The following CDYL2 variants were observed in gnomAD, a reference collection of about 807,000 sequenced individuals.
The protein encoded by CDYL2 is chromodomain Y like 2.
CDYL2 carries 23 observed loss-of-function variants against 49.4 expected under a neutral mutation model. That is an observed-to-expected ratio of 0.47 (90% CI 0.34 to 0.66). CDYL2 has a LOEUF of 0.66. CDYL2 is among the 30% of genes least tolerant of loss of function. The pLI is 0.01. For missense variants in CDYL2, 678 were observed against 656.4 expected (o/e 1.03, Z -0.36); for synonymous variants, 360 against 268.8 (o/e 1.34, Z -3.32).
intron 2 of CDYL2, among the ~76,000 whole-genome samples, chr16:80,654,006 C>G (rs967050550): frequency 2.6e-5 from 4 of 152,116 alleles, no homozygotes; most frequent in African/African-American, 9.7e-5. Flanking sequence ...TGCTTGCATG[C>G]CAACGGAAGT....
chr16:80,636,074 T>C (rs1907809965), intron 2 of CDYL2, among the ~76,000 whole-genome samples: 1 of 152,108 alleles, frequency 6.6e-6, no homozygotes, highest in African/African-American at 2.4e-5. Flanking sequence ...CAAGATGGAT[T>C]AGACTTAAAA....
Position 80,599,193 on chromosome 16 carries a change from T to C in CDYL2, c.*5195A>G, listed in dbSNP as rs865886947. On this transcript the variant is annotated 3_prime_UTR_variant, in exon 7 of 7. Coordinates refer to ENST00000570137, the MANE Select transcript of CDYL2 (RefSeq NM_152342.4). ...ACCAGAGGTGAAGTTGAAAACTAGA[T>C]ATGGGTTTTTCTGACTGCCACACAC... is the stretch of plus-strand genomic sequence containing the variant. 2.0e-5 allele frequency: 3 copies of C among 152,128 alleles called. No individual in the cohort carries two copies. Among genetic ancestry groups the C allele is most frequent in the Non-Finnish European group, 4.4e-5 (3 of 68,014 alleles). 9.4% of individuals were successfully genotyped at this position (152,128 alleles called of 1,614,324 possible).
chr16:80,626,519 T>C (rs1907311094), intron 3 of CDYL2, among the ~76,000 whole-genome samples: 1 of 152,198 alleles, frequency 6.6e-6, no homozygotes, highest in Non-Finnish European at 1.5e-5. Flanking sequence ...TATGTGTATA[T>C]AATTTAGGGA....
intron 1 of CDYL2, among the ~76,000 whole-genome samples, chr16:80,768,666 T>C (rs745444765): frequency 6.6e-6 from 1 of 152,136 alleles, no homozygotes; most frequent in Non-Finnish European, 1.5e-5. Flanking sequence ...TTTCAACATA[T>C]AAATTTTGGG....
intron 2 of CDYL2, among the ~76,000 whole-genome samples, chr16:80,669,104 T>C (rs918988478): frequency 8.6e-5 from 13 of 151,894 alleles, no homozygotes; most frequent in African/African-American, 3.1e-4. Flanking sequence ...CTCCTCTTTC[T>C]TGAAACCACT....
intron 1 of CDYL2, among the ~76,000 whole-genome samples, chr16:80,741,507 T>C (rs1225340203): frequency 6.6e-6 from 1 of 152,134 alleles, no homozygotes. Flanking sequence ...ATTTGCAGCA[T>C]AGGTGGTAAA....
chr16:80,740,012 G>A (rs1905680016), intron 1 of CDYL2, among the ~76,000 whole-genome samples: 1 of 152,206 alleles, frequency 6.6e-6, no homozygotes, highest in Non-Finnish European at 1.5e-5. Flanking sequence ...ATGTGGCTGT[G>A]GAGGGTGGTG....
chr16:80,757,577 CAT>C (rs1376504381), intron 1 of CDYL2, among the ~76,000 whole-genome samples: 1 of 149,652 alleles, frequency 6.7e-6, no homozygotes, highest in Non-Finnish European at 1.5e-5. Flanking sequence ...TACACACACA[CAT>C]ATATTTTGAA....
chr16:80,786,820 T>G (rs1907451790), intron 1 of CDYL2, among the ~76,000 whole-genome samples: 1 of 150,996 alleles, frequency 6.6e-6, no homozygotes, highest in Non-Finnish European at 1.5e-5. Context: ...TATCACAAGA[T>G]CAGAAAACCA....
At chr16:80,681,068 T>A (rs1015765735) in intron 2 of CDYL2, among the ~76,000 whole-genome samples, 2 of 152,152 alleles carry the variant, frequency 1.3e-5, no homozygotes, top group Admixed American at 6.5e-5. Flanking sequence ...GGAGCCCCAA[T>A]TTAGCATTTG....
In CDYL2 at chr16:80,632,810, G is replaced by A. The variant is rs181683321; in HGVS notation, c.834+209C>T. 4.3e-4 allele frequency: 234 copies of A among 544,050 alleles called. 1 individual carries two copies. The highest frequency in any genetic ancestry group is 6.6e-5 in the Non-Finnish European group (20 of 301,212). The allele number at this position is 544,050 out of a possible 1,614,324, so 33.7% of individuals were successfully genotyped here. ...CTCTCCCCATGGTCTTCATCCATAA[G>A]ATGAGAGGGTATCATTACACGGTCA... On this transcript the variant is annotated intron_variant, in intron 3 of 6. Coordinates refer to ENST00000570137, the MANE Select transcript of CDYL2 (RefSeq NM_152342.4).
At chr16:80,638,122 T>A (rs1907922111) in intron 2 of CDYL2, among the ~76,000 whole-genome samples, 1 of 152,180 alleles carries the variant, frequency 6.6e-6, no homozygotes, top group South Asian at 2.1e-4. Context: ...TCACCCAGGC[T>A]GGAGTACAGT....
intron 1 of CDYL2, among the ~76,000 whole-genome samples, chr16:80,784,549 G>T (rs569754209): frequency 6.6e-6 from 1 of 152,158 alleles, no homozygotes; most frequent in South Asian, 2.1e-4. Context: ...AACCAGAAGG[G>T]GAAATGGTTA....
chr16:80,791,084 T>C (rs1907594294), intron 1 of CDYL2, among the ~76,000 whole-genome samples: 1 of 152,138 alleles, frequency 6.6e-6, no homozygotes, highest in African/African-American at 2.4e-5. Flanking sequence ...TCATCCAACA[T>C]CCAAGAGTTC....
At chr16:80,718,991 A>C (rs1182557440) in intron 1 of CDYL2, among the ~76,000 whole-genome samples, 1 of 152,220 alleles carries the variant, frequency 6.6e-6, no homozygotes, top group African/African-American at 2.4e-5. Flanking sequence ...TGTCAGAACT[A>C]GGGCATGAAT....
At chr16:80,770,369 AAATCATGTTAGC>A (rs1336328134) in intron 1 of CDYL2, among the ~76,000 whole-genome samples, 1 of 152,218 alleles carries the variant, frequency 6.6e-6, no homozygotes, top group Admixed American at 6.5e-5. Flanking sequence ...TTCATTTTTT[AAATCATGTTAGC>A]ATCAGACTTC....
intron 1 of CDYL2, among the ~76,000 whole-genome samples, chr16:80,775,810 T>G (rs1174379463): frequency 2.0e-5 from 3 of 151,552 alleles, no homozygotes; most frequent in Non-Finnish European, 4.4e-5. Context: ...CTTGATATAG[T>G]ACTTAATAAG....
At chr16:80,798,139 C>CA (rs1166255478) in intron 1 of CDYL2, among the ~76,000 whole-genome samples, 3 of 152,148 alleles carry the variant, frequency 2.0e-5, no homozygotes, top group Non-Finnish European at 4.4e-5. Context: ...CTTCCAGACT[C>CA]AAGCAATCCC....
At chr16:80,771,951 G>A (rs1450755034) in intron 1 of CDYL2, among the ~76,000 whole-genome samples, 1 of 152,076 alleles carries the variant, frequency 6.6e-6, no homozygotes, top group Non-Finnish European at 1.5e-5. Context: ...CATATGAGGG[G>A]AACACCAGCA....
Sources: allele counts gnomAD v4.1 joint callset (sites outside exome capture counted in the v4.1 genomes callset), GRCh38; gene constraint gnomAD v4.1.1; transcripts MANE v1.5; gene names NCBI Gene and HGNC (gene_info 2026-07-23, HGNC 2026-07-21).